LAMA2: variants seen among roughly 807,000 people sequenced by gnomAD.
The protein encoded by LAMA2 is laminin subunit alpha 2.
Under a neutral mutation model 364.8 loss-of-function variants are expected in LAMA2, and 269 were observed. That is an observed-to-expected ratio of 0.74 (90% CI 0.67 to 0.82). LAMA2 has a LOEUF of 0.82. Ranked by LOEUF, LAMA2 falls within the 40% of genes least tolerant of loss-of-function variation. The probability of loss-of-function intolerance (pLI) is 0.00; values close to 1 mark genes in which losing one functional copy is unlikely to be tolerated. For missense variants in LAMA2, 3,807 were observed against 3,873.2 expected, an observed-to-expected ratio of 0.98 and a Z score of 0.45; for synonymous variants, 1,379 against 1,370.6, an observed-to-expected ratio of 1.01 and a Z score of -0.14.
chr6:129,055,179 A>ATTATTATTTT lies in LAMA2; in HGVS notation c.284-4597_284-4596insTTTTATTATT, dbSNP rs1406549600. Among the ~76,000 whole-genome samples, 554 of 120,738 alleles carry ATTATTATTTT rather than the reference A, an allele frequency of 4.6e-3. 5 individuals are homozygous for ATTATTATTTT. The highest frequency in any genetic ancestry group is 0.04 in the Admixed American group (500 of 12,604). The allele number at this position is 120,738 out of a possible 152,430, so 79.2% of individuals were successfully genotyped here. A position where few individuals can be genotyped will look rare whatever the true frequency, so the allele number is the denominator to read the frequency against. ...GATTTACTTTACATTATTATTATTTATTATTATTATTATTATTATTATTAT... is the reference window on the plus strand; with the variant it reads ...GATTTACTTTACATTATTATTATTTATTATTATTTTTTATTATTATTATTATTATTATTAT... On this transcript the variant is annotated intron_variant, in intron 2 of 64. Transcript: ENST00000421865.
At chr6:129,152,654 T>C (rs1778875945) in intron 7 of LAMA2, among the ~76,000 whole-genome samples, 2 of 152,204 alleles carry the variant, frequency 1.3e-5, no homozygotes, top group South Asian at 4.1e-4. Flanking sequence ...CTCGAGTTTT[T>C]GCCTCAAAGT....
chr6:129,492,843 C>G (rs971445657), intron 58 of LAMA2, among the ~76,000 whole-genome samples: 1 of 152,156 alleles, frequency 6.6e-6, no homozygotes, highest in Non-Finnish European at 1.5e-5. Context: ...TTTTTAGAAA[C>G]TAGTAATACA....
At chr6:129,206,151 A>T (rs983186426) in intron 12 of LAMA2, among the ~76,000 whole-genome samples, 2 of 131,810 alleles carry the variant, frequency 1.5e-5, no homozygotes, top group Non-Finnish European at 3.1e-5. Context: ...GAAGGAAGGA[A>T]GGAAGGAAGG....
intron 3 of LAMA2, among the ~76,000 whole-genome samples, chr6:129,085,590 T>C (rs1040210959): frequency 6.6e-6 from 1 of 152,166 alleles, no homozygotes; most frequent in Non-Finnish European, 1.5e-5. Flanking sequence ...TGAGGAACTT[T>C]GGAAGGAACA....
intron 1 of LAMA2, among the ~76,000 whole-genome samples, chr6:128,954,793 G>A (rs1032970966): frequency 6.6e-6 from 1 of 151,912 alleles, no homozygotes; most frequent in Non-Finnish European, 1.5e-5. Flanking sequence ...TTAAGGCAGA[G>A]AAGTATTCTA....
Position 129,280,299 on chromosome 6 carries a change from G to T in LAMA2, c.2537+152G>T. ...TTCTCAACGCACTTGTCAAACAAAT[G>T]CATTATATTTTTGTAATTTATTTAT... On this transcript the variant is annotated intron_variant, in intron 18 of 64. Coordinates refer to ENST00000421865, the MANE Select transcript of LAMA2 (RefSeq NM_000426.4). 1.2e-5 allele frequency: 8 copies of T among 656,798 alleles called. No individual in the cohort carries two copies. The South Asian group carries it at 1.4e-4, about 11-fold the overall frequency. 40.7% of individuals were successfully genotyped at this position (656,798 alleles called of 1,614,324 possible).
chr6:129,372,465 C>T (rs928720629), intron 34 of LAMA2, among the ~76,000 whole-genome samples: 3 of 152,132 alleles, frequency 2.0e-5, no homozygotes, highest in African/African-American at 7.2e-5. Flanking sequence ...CATATTTTTT[C>T]ATGACTTTAT....
chr6:129,199,980 G>C (rs1415361721), intron 12 of LAMA2, among the ~76,000 whole-genome samples: 1 of 151,826 alleles, frequency 6.6e-6, no homozygotes, highest in Non-Finnish European at 1.5e-5. Flanking sequence ...TCGGGAGGCT[G>C]ATGCAAGAGA....
intron 1 of LAMA2, among the ~76,000 whole-genome samples, chr6:128,906,411 T>G (rs1432211853): frequency 8.1e-6 from 1 of 123,606 alleles, no homozygotes; most frequent in Non-Finnish European, 1.7e-5. Context: ...TTTCATGTGT[T>G]TTTTGGCTGC....
In LAMA2 at chr6:129,280,053, C is replaced by A; in HGVS notation, c.2451-8C>A. The stretch of plus-strand genomic sequence containing the variant: ...TTGTCCCTGTTTTCCGCAACAACAT[C>A]AACATAGCTTTAGCCCAACGTGCCA... On this transcript the variant is annotated splice_polypyrimidine_tract_variant and splice_region_variant and intron_variant, in intron 17 of 64. Coordinates refer to ENST00000421865, the MANE Select transcript of LAMA2 (RefSeq NM_000426.4). The A allele has an allele frequency of 6.2e-7, 1 of 1,602,486 alleles. No individual in the cohort carries two copies. The highest frequency in any genetic ancestry group is 8.5e-7 in the Non-Finnish European group (1 of 1,169,600).
chr6:129,004,424 AAAAAAAG>A (rs1385474949), intron 1 of LAMA2, among the ~76,000 whole-genome samples: 1 of 68,748 alleles, frequency 1.5e-5, no homozygotes, highest in Non-Finnish European at 2.8e-5. Context: ...AAAAAAAAAA[AAAAAAAG>A]AAGTATGATG....
In LAMA2 at chr6:129,516,450, ATG is replaced by A. The variant is rs1491511497; in HGVS notation, c.*105_*106del. 14 of 1,170,326 alleles carry A rather than the reference ATG, an allele frequency of 1.2e-5. No homozygotes were observed. The highest frequency in any genetic ancestry group is 3.1e-5 in the African/African-American group (2 of 65,410). 72.5% of individuals were successfully genotyped at this position (1,170,326 alleles called of 1,614,324 possible). On this transcript the variant is annotated 3_prime_UTR_variant, in exon 65 of 65. Transcript: ENST00000421865. ...ATATGTTAATTAAACTAATTTGTGC[ATG>A]TACATAGAATTCTTTCTGTATTCAG...
intron 8 of LAMA2, among the ~76,000 whole-genome samples, chr6:129,163,983 A>G (rs568170530): frequency 6.6e-6 from 1 of 152,320 alleles, no homozygotes; most frequent in African/African-American, 2.4e-5. Context: ...CTTGTATGCT[A>G]ATTTCAATAT....
At position 129,297,963 on chromosome 6, in the gene LAMA2, A is replaced by G. The variant is rs1583441506; in HGVS notation, c.3037+98A>G. The G allele has an allele frequency of 8.3e-6, 8 of 962,490 alleles. No homozygotes were observed. In the East Asian group the frequency reaches 2.2e-4, roughly 26 times the overall value. The allele number at this position is 962,490 out of a possible 1,614,324, so 59.6% of individuals were successfully genotyped here. On this transcript the variant is annotated intron_variant, in intron 21 of 64. Transcript: ENST00000421865. Reference sequence around the variant, plus strand: ...TCTTTTAAAGGAAGCACAGATTGATACAACGTATTTAACATAATGAGTAAT... The same window carrying G: ...TCTTTTAAAGGAAGCACAGATTGATGCAACGTATTTAACATAATGAGTAAT...
In LAMA2 at chr6:129,132,760, T is replaced by A. The variant is rs1352988839; in HGVS notation, c.640-11141T>A. Among the ~76,000 whole-genome samples, 7 of 152,334 alleles carry A rather than the reference T, an allele frequency of 4.6e-5. No homozygotes were observed. In the East Asian group the frequency reaches 1.4e-3, roughly 29 times the overall value. ...CAAGGGTAATGGCAACTAACAATAG[T>A]TTCTCCTGTGTGCTAGATATTGTTC... On this transcript the variant is annotated intron_variant, in intron 4 of 64. Coordinates refer to ENST00000421865, the MANE Select transcript of LAMA2 (RefSeq NM_000426.4).
chr6:129,228,509 G>A (rs1014782296), intron 12 of LAMA2, among the ~76,000 whole-genome samples: 2 of 151,856 alleles, frequency 1.3e-5, no homozygotes, highest in African/African-American at 4.8e-5. Flanking sequence ...AGAGTGAAGG[G>A]AGTTTTATAT....
chr6:129,088,646 G>A (rs1774575262), intron 3 of LAMA2, among the ~76,000 whole-genome samples: 1 of 148,236 alleles, frequency 6.7e-6, no homozygotes, highest in African/African-American at 2.5e-5. Context: ...GGTAGCTGCC[G>A]GGCGGAGGGG....
At chr6:129,173,515 C>T (rs997936074) in intron 9 of LAMA2, among the ~76,000 whole-genome samples, 1 of 152,166 alleles carries the variant, frequency 6.6e-6, no homozygotes, top group Non-Finnish European at 1.5e-5. Context: ...CAGTGTCTGT[C>T]AATTACATAT....
intron 9 of LAMA2, among the ~76,000 whole-genome samples, chr6:129,170,658 T>A (rs1384721451): frequency 6.6e-6 from 1 of 151,554 alleles, no homozygotes; most frequent in Non-Finnish European, 1.5e-5. Flanking sequence ...GGGTGGAGAG[T>A]TCTGTAGATG....
Sources: allele counts gnomAD v4.1 joint callset (sites outside exome capture counted in the v4.1 genomes callset), GRCh38; gene constraint gnomAD v4.1.1; transcripts MANE v1.5; gene names NCBI Gene and HGNC (gene_info 2026-07-23, HGNC 2026-07-21).